The following PACSIN1 variants were observed in gnomAD, a reference collection of about 807,000 sequenced individuals.
PACSIN1 encodes protein kinase C and casein kinase substrate in neurons protein 1.
PACSIN1 carries 15 observed loss-of-function variants against 59.5 expected under a neutral mutation model. The ratio of observed to expected loss-of-function variants is 0.25; its 90% CI spans 0.17 to 0.39. The LOEUF (loss-of-function observed/expected upper bound fraction) is 0.39, where lower values mean the gene tolerates loss of function less well. Ranked by LOEUF, PACSIN1 falls within the 10% of genes least tolerant of loss-of-function variation. The probability of loss-of-function intolerance (pLI) is 1.00; values close to 1 mark genes in which losing one functional copy is unlikely to be tolerated. For synonymous variants in PACSIN1, 210 were observed against 220.6 expected (o/e 0.95, Z 0.42); for missense variants, 420 against 580.2 (o/e 0.72, Z 2.84).
chr6:34,494,364 A>G (rs1766918630), intron 1 of PACSIN1, among the ~76,000 whole-genome samples: 1 of 152,088 alleles, frequency 6.6e-6, no homozygotes. Flanking sequence ...TCCAAGTTTA[A>G]TGCACACAGG....
At chr6:34,498,245 A>G (rs1170044881) in intron 1 of PACSIN1, among the ~76,000 whole-genome samples, 1 of 152,004 alleles carries the variant, frequency 6.6e-6, no homozygotes, top group Non-Finnish European at 1.5e-5. Context: ...TATTTTTAGT[A>G]GAAACGGAGT....
Position 34,525,488 on chromosome 6 carries a change from G to C in PACSIN1, c.-63-755G>C, listed in dbSNP as rs984064255. ...TCCTGGGACTGCAGTGCAGAAGCAG[G>C]GAGGTGTCCCCTGGTGCCGGGATCC... On this transcript the variant is annotated intron_variant, in intron 1 of 9. Coordinates refer to ENST00000244458, the MANE Select transcript of PACSIN1 (RefSeq NM_020804.5). The surrounding 1 kb of genome is among the most constrained non-coding windows in gnomAD (Gnocchi z 4.9). Among the ~76,000 whole-genome samples the C allele has an allele frequency of 2.6e-5, 4 of 152,246 alleles. No individual in the cohort carries two copies. Among genetic ancestry groups the C allele is most frequent in the Non-Finnish European group, 5.9e-5 (4 of 68,038 alleles).
intron 3 of PACSIN1, 96 bp from the exon 4 acceptor site, chr6:34,528,546 A>G: frequency 1.1e-6 from 1 of 896,504 alleles, no homozygotes; most frequent in Non-Finnish European, 1.8e-6. Context: ...TTCTGTTGCT[A>G]TGAGAGGAAA....
chr6:34,466,939 A>G (rs1220163989), intron 1 of PACSIN1, among the ~76,000 whole-genome samples: 2 of 152,182 alleles, frequency 1.3e-5, no homozygotes, highest in East Asian at 1.9e-4. Flanking sequence ...AAAAGGTTAA[A>G]GGGTCATCAG....
intron 1 of PACSIN1, among the ~76,000 whole-genome samples, chr6:34,520,404 G>A (rs2127269266): frequency 6.6e-6 from 1 of 152,304 alleles, no homozygotes; most frequent in South Asian, 2.1e-4. Flanking sequence ...CTGTTCCGTG[G>A]GGAGAAGGCC....
In PACSIN1 at chr6:34,529,541, G is replaced by A. The variant is rs1331401029; in HGVS notation, c.601G>A (p.Asp201Asn). The change falls in exon 5 of 10, where the codon GAT (aspartate) becomes AAT (asparagine). Residue 201 changes from aspartate (D) to asparagine (N), a missense_variant. By Grantham distance (23) the Asp-to-Asn change is conservative (BLOSUM62 1). Coordinates refer to ENST00000244458, the MANE Select transcript of PACSIN1 (RefSeq NM_020804.5). This position sits in a 1 kb window ranked among gnomAD's most constrained non-coding sequence, Gnocchi z 6.3. ...GGACAAAGTGGACAAGTGCAAGCAGGATGTGCAGAAGGTGCTGGCGGGCAG... is the reference window on the plus strand; with the variant it reads ...GGACAAAGTGGACAAGTGCAAGCAGAATGTGCAGAAGGTGCTGGCGGGCAG... ...LQDKVDKCKQDVQKTQEKYEK... is the reference protein window; with the variant it reads ...LQDKVDKCKQNVQKTQEKYEK... 1 of 1,614,030 alleles carries A rather than the reference G, an allele frequency of 6.2e-7. No homozygotes were observed. Among genetic ancestry groups the A allele is most frequent in the Non-Finnish European group, 8.5e-7 (1 of 1,180,038 alleles).
At position 34,528,811 on chromosome 6, in the gene PACSIN1, G is replaced by A. The variant is rs368944518; in HGVS notation, c.390G>A (p.Lys130=). The A allele has an allele frequency of 6.2e-7, 1 of 1,613,680 alleles. No individual in the cohort carries two copies. The highest frequency in any genetic ancestry group is 1.3e-5 in the African/African-American group (1 of 74,818). The change falls in exon 4 of 10, where the codon AAG becomes AAA. Residue 130 remains lysine (K), a synonymous_variant. Transcript: ENST00000244458. ...AYHKQIMGGF[K]ETKEAEDGFR... ...ACAAGCAGATCATGGGTGGCTTCAA[G>A]GAGACGAAGGAGGCTGAAGATGGCT...
In PACSIN1 at chr6:34,531,461, G is replaced by A; in HGVS notation, c.1038-139G>A. On this transcript the variant is annotated intron_variant, in intron 8 of 9. Coordinates refer to ENST00000244458, the MANE Select transcript of PACSIN1 (RefSeq NM_020804.5). The surrounding 1 kb of genome is among the most constrained non-coding windows in gnomAD (Gnocchi z 4.4). ...AAACATCGGTTTAAAGAGCTCATGAGGGTCACCCCTCCTATGTGGCCAATC... is the reference window on the plus strand; with the variant it reads ...AAACATCGGTTTAAAGAGCTCATGAAGGTCACCCCTCCTATGTGGCCAATC... The A allele has an allele frequency of 1.3e-6, 1 of 785,504 alleles. No homozygotes were observed. The highest frequency in any genetic ancestry group is 2.4e-5 in the Admixed American group (1 of 41,544). 48.7% of individuals were successfully genotyped at this position (785,504 alleles called of 1,614,324 possible).
chr6:34,527,284 G>A (rs376377174), intron 2 of PACSIN1, 48 bp from the exon 3 acceptor site: 62 of 1,456,032 alleles, frequency 4.3e-5, no homozygotes, highest in Non-Finnish European at 5.3e-5. Flanking sequence ...GGGCGGGGCT[G>A]GGGACGCTGG....
intron 1 of PACSIN1, among the ~76,000 whole-genome samples, chr6:34,513,218 TC>T (rs1475580548): frequency 5.0e-4 from 76 of 152,360 alleles, no homozygotes; most frequent in African/African-American, 1.8e-3. Flanking sequence ...CTGGAATGCT[TC>T]ATGCAGCTAT....
chr6:34,476,003 A>G (rs2127240627), intron 1 of PACSIN1, among the ~76,000 whole-genome samples: 1 of 152,274 alleles, frequency 6.6e-6, no homozygotes, highest in East Asian at 1.9e-4. Flanking sequence ...TCAAGCATTC[A>G]TCCTTTTGAA....
intron 1 of PACSIN1, among the ~76,000 whole-genome samples, chr6:34,497,826 C>A (rs1237610415): frequency 6.6e-6 from 1 of 152,170 alleles, no homozygotes; most frequent in Non-Finnish European, 1.5e-5. Context: ...AAAGTCCCCA[C>A]TGGGCCCAGT....
intron 1 of PACSIN1, among the ~76,000 whole-genome samples, chr6:34,507,799 C>T (rs60793757): frequency 0.012 from 1,762 of 152,296 alleles, 45 homozygotes; most frequent in East Asian, 0.096. Context: ...TGGAATAATG[C>T]AGTATTTGTC....
At chr6:34,478,188 T>C (rs1766665892) in intron 1 of PACSIN1, among the ~76,000 whole-genome samples, 1 of 150,308 alleles carries the variant, frequency 6.7e-6, no homozygotes, top group South Asian at 2.1e-4. Flanking sequence ...GCCTCCTGAG[T>C]AGCTGGGACT....
intron 1 of PACSIN1, among the ~76,000 whole-genome samples, chr6:34,486,752 T>A (rs1179885827): frequency 6.6e-6 from 1 of 152,126 alleles, no homozygotes; most frequent in Admixed American, 6.5e-5. Flanking sequence ...GAGCCTTGGT[T>A]CAGTTGCTCT....
At chr6:34,470,274 C>T (rs182579669) in intron 1 of PACSIN1, among the ~76,000 whole-genome samples, 230 of 152,116 alleles carry the variant, frequency 1.5e-3, no homozygotes, top group African/African-American at 5.4e-3. Context: ...CCTCCACCTC[C>T]GGGTTCAAGC....
rs1014608222 is a variant in PACSIN1, at chr6:34,525,692, G to C, written c.-63-551G>C. Among the ~76,000 whole-genome samples the C allele has an allele frequency of 2.6e-5, 4 of 152,170 alleles. No individual in the cohort carries two copies. The highest frequency in any genetic ancestry group is 9.7e-5 in the African/African-American group (4 of 41,434). ...AGGGGAGTACCCACCTCGGCCCTGGGGCAGCGCACGGCCTAGATTGGATAA... is the reference window on the plus strand; with the variant it reads ...AGGGGAGTACCCACCTCGGCCCTGGCGCAGCGCACGGCCTAGATTGGATAA... On this transcript the variant is annotated intron_variant, in intron 1 of 9. Coordinates refer to ENST00000244458, the MANE Select transcript of PACSIN1 (RefSeq NM_020804.5). The surrounding 1 kb of genome is among the most constrained non-coding windows in gnomAD (Gnocchi z 4.9).
Position 34,529,723 on chromosome 6 carries a change from A to G in PACSIN1, c.670A>G (p.Met224Val), listed in dbSNP as rs780974773. The stretch of plus-strand genomic sequence containing the variant: ...TGTGGGCAAGACCACACCCCAGTAC[A>G]TGGAGAACATGGAGCAGGTGTTTGA... ...EDVGKTTPQYMENMEQVFEQC... is the reference protein window; with the variant it reads ...EDVGKTTPQYVENMEQVFEQC... Residue 224 changes from methionine (M) to valine (V), a missense_variant, in exon 6 of 10, where the codon ATG (methionine) becomes GTG (valine). Coordinates refer to ENST00000244458, the MANE Select transcript of PACSIN1 (RefSeq NM_020804.5). The surrounding 1 kb of genome is among the most constrained non-coding windows in gnomAD (Gnocchi z 6.3). The G allele has an allele frequency of 3.1e-6, 5 of 1,613,956 alleles. No individual in the cohort carries two copies. Among genetic ancestry groups the G allele is most frequent in the Admixed American group, 1.7e-5 (1 of 60,000 alleles).
At position 34,531,799 on chromosome 6, in the gene PACSIN1, G is replaced by C; in HGVS notation, c.1225+12G>C. On this transcript the variant is annotated intron_variant, in intron 9 of 9. Coordinates refer to ENST00000244458, the MANE Select transcript of PACSIN1 (RefSeq NM_020804.5). This position sits in a 1 kb window ranked among gnomAD's most constrained non-coding sequence, Gnocchi z 4.4. ...CAGCTTTAAGGCCGGTAGGACGGCT[G>C]GGCGGGGCAGTGCCTGAGAGAGGCT... 2 of 1,549,248 alleles carry C rather than the reference G, an allele frequency of 1.3e-6. No individual in the cohort carries two copies. The highest frequency in any genetic ancestry group is 2.5e-5 in the South Asian group (2 of 80,480).
Sources: gnomAD v4.1 joint callset for allele counts (sites outside exome capture counted in the v4.1 genomes callset) on GRCh38, gnomAD v4.1.1 for gene constraint, Gnocchi (gnomAD v3.1) non-coding constraint, MANE v1.5 for transcripts, NCBI Gene and HGNC (gene_info 2026-07-23, HGNC 2026-07-21) for gene names.